Variants in EIF4ENIF1 observed in about 807,000 individuals in gnomAD.
EIF4ENIF1 encodes the protein eukaryotic translation initiation factor 4E nuclear import factor 1, also known as eukaryotic translation initiation factor 4E transporter.
A neutral mutation model predicts 110.5 loss-of-function variants in EIF4ENIF1; 23 were observed. That is an observed-to-expected ratio of 0.21 (90% CI 0.15 to 0.29). EIF4ENIF1 has a LOEUF of 0.29. EIF4ENIF1 is among the 10% of genes least tolerant of loss of function. The probability of loss-of-function intolerance (pLI) is 1.00; values close to 1 mark genes in which losing one functional copy is unlikely to be tolerated. For synonymous variants in EIF4ENIF1, 440 were observed against 437.0 expected (o/e 1.01, Z -0.09); for missense variants, 1,031 against 1,221.1 (o/e 0.84, Z 2.32).
At position 31,455,188 on chromosome 22, in the gene EIF4ENIF1, C is replaced by CA; in HGVS notation, c.1226dup (p.Leu409PhefsTer12). 6.2e-7 allele frequency: 1 copy of CA among 1,613,630 alleles called. No individual in the cohort carries two copies. Among genetic ancestry groups the CA allele is most frequent in the Non-Finnish European group, 8.5e-7 (1 of 1,179,884 alleles). On this transcript the variant is annotated frameshift_variant, in exon 9 of 19. Coordinates refer to ENST00000330125, the MANE Select transcript of EIF4ENIF1 (RefSeq NM_019843.4). LOFTEE classifies it high-confidence loss of function. ...CAGAAAGGCTGGAAAGAAGAGGTTTCAAATCCACTTTGGCTTTCTGTAGCA... is the reference window on the plus strand; with the variant it reads ...CAGAAAGGCTGGAAAGAAGAGGTTTCAAAATCCACTTTGGCTTTCTGTAGCA...
chr22:31,479,477 C>A (rs535483888), intron 2 of EIF4ENIF1: 2 of 152,142 alleles, frequency 1.3e-5, no homozygotes, highest in African/African-American at 4.8e-5. Context: ...ATATGTGCTG[C>A]CGAAGCAAGC....
At chr22:31,445,181 G>A (rs1030245045) in intron 14 of EIF4ENIF1, among the ~76,000 whole-genome samples, 3 of 152,186 alleles carry the variant, frequency 2.0e-5, no homozygotes, top group Non-Finnish European at 4.4e-5. Flanking sequence ...AGTGAGGTGC[G>A]CTAGGGAGGG....
Position 31,468,174 on chromosome 22 carries a change from CCTA to C in EIF4ENIF1, c.296_298del (p.Val99del). 6.2e-7 allele frequency: 1 copy of C among 1,613,808 alleles called. No homozygotes were observed. The highest frequency in any genetic ancestry group is 2.2e-5 in the East Asian group (1 of 44,866). ...CCACTTCTGAGTGACTGTGTGCTCACCTACTATCCTGCGCACCAGGGAAGGCCG... is the reference window on the plus strand; with the variant it reads ...CCACTTCTGAGTGACTGTGTGCTCACCTATCCTGCGCACCAGGGAAGGCCG... On this transcript the variant is annotated inframe_deletion and splice_region_variant, in exon 4 of 19. Coordinates refer to ENST00000330125, the MANE Select transcript of EIF4ENIF1 (RefSeq NM_019843.4).
chr22:31,445,371 A>C (rs2050429910), intron 14 of EIF4ENIF1, among the ~76,000 whole-genome samples: 1 of 152,214 alleles, frequency 6.6e-6, no homozygotes, highest in Non-Finnish European at 1.5e-5. Context: ...CTCAAAGGTC[A>C]AGGCCCAAGT....
chr22:31,470,056 C>T (rs1016234064), intron 3 of EIF4ENIF1, among the ~76,000 whole-genome samples: 3 of 147,810 alleles, frequency 2.0e-5, no homozygotes, highest in Middle Eastern at 3.5e-3. Flanking sequence ...CCCAACTACT[C>T]GGGAGGCTGA....
At chr22:31,440,251 T>C (rs1330710441) in intron 18 of EIF4ENIF1, 130 bp from the exon 19 acceptor site, 13 of 1,327,366 alleles carry the variant, frequency 9.8e-6, no homozygotes, top group Non-Finnish European at 1.2e-5. Context: ...TAGAAACTCC[T>C]TTGCAAAATA....
chr22:31,442,585 A>G (rs1039746585), intron 16 of EIF4ENIF1, among the ~76,000 whole-genome samples: 2 of 152,208 alleles, frequency 1.3e-5, no homozygotes, highest in Admixed American at 6.5e-5. Context: ...CATATTTTCT[A>G]TGTTGGACAC....
At chr22:31,470,164 CAA>C (rs61046632) in intron 3 of EIF4ENIF1, among the ~76,000 whole-genome samples, 89 of 98,380 alleles carry the variant, frequency 9.0e-4, no homozygotes, top group African/African-American at 1.0e-3. Flanking sequence ...AACTCCACCT[CAA>C]AAAAAAAAAA....
At chr22:31,458,725 G>T (rs928078184) in intron 6 of EIF4ENIF1, 75 bp from the exon 7 acceptor site, 10 of 1,362,644 alleles carry the variant, frequency 7.3e-6, no homozygotes, top group Non-Finnish European at 8.8e-6. Context: ...TCAGCCATCA[G>T]TATACATGTA....
chr22:31,472,269 GA>G (rs1400922709), intron 2 of EIF4ENIF1, among the ~76,000 whole-genome samples: 2,188 of 122,150 alleles, frequency 0.018, 10 homozygotes, highest in Middle Eastern at 0.035. Flanking sequence ...CTTACAAGGG[GA>G]TTTTTTTTTT....
At chr22:31,469,936 G>A (rs2051309351) in intron 3 of EIF4ENIF1, among the ~76,000 whole-genome samples, 1 of 151,974 alleles carries the variant, frequency 6.6e-6, no homozygotes, top group Admixed American at 6.6e-5. Flanking sequence ...GGCTGAGGTG[G>A]GTGGATCACC....
intron 2 of EIF4ENIF1, among the ~76,000 whole-genome samples, chr22:31,485,941 C>G (rs865973359): frequency 1.3e-5 from 2 of 151,804 alleles, no homozygotes; most frequent in African/African-American, 4.8e-5. Context: ...GAAACCGTCT[C>G]TACTAAAAAT....
chr22:31,479,781 C>A (rs1018372636), intron 2 of EIF4ENIF1, among the ~76,000 whole-genome samples: 1 of 148,394 alleles, frequency 6.7e-6, no homozygotes, highest in African/African-American at 2.5e-5. Context: ...ATGATCATAG[C>A]TCACTGCAGC....
At chr22:31,464,141 G>T in intron 4 of EIF4ENIF1, 174 bp from the exon 5 acceptor site, 1 of 725,536 alleles carries the variant, frequency 1.4e-6, no homozygotes, top group Non-Finnish European at 2.1e-6. Flanking sequence ...TTTAAATAAG[G>T]CTGAGACATT....
At chr22:31,471,546 C>G (rs2051380395) in intron 3 of EIF4ENIF1, among the ~76,000 whole-genome samples, 1 of 152,152 alleles carries the variant, frequency 6.6e-6, no homozygotes, top group African/African-American at 2.4e-5. Flanking sequence ...GATCTCCTGA[C>G]CTCGTGATCC....
chr22:31,485,240 A>C (rs922633008), intron 2 of EIF4ENIF1, among the ~76,000 whole-genome samples: 4 of 152,218 alleles, frequency 2.6e-5, no homozygotes, highest in African/African-American at 9.6e-5. Flanking sequence ...CACTGTCATT[A>C]AGCTAAAAAA....
In EIF4ENIF1 at chr22:31,458,552, C is replaced by T. The variant is rs753406852; in HGVS notation, c.886G>A (p.Val296Ile). 1 of 1,613,966 alleles carries T rather than the reference C, an allele frequency of 6.2e-7. No homozygotes were observed. The highest frequency in any genetic ancestry group is 1.1e-5 in the South Asian group (1 of 91,036). ...TCTCCTGGGGACTGCTCAGGCAAGA[C>T]AGCATCCCTTGGCACTTCCTGATCA... is the stretch of plus-strand genomic sequence containing the variant. ...AADQEVPRDA[V>I]LPEQSPGDFD... The change falls in exon 7 of 19, where the codon GTC becomes ATC. Residue 296 changes from valine (V) to isoleucine (I), a missense_variant. Coordinates refer to ENST00000330125, the MANE Select transcript of EIF4ENIF1 (RefSeq NM_019843.4).
intron 18 of EIF4ENIF1, among the ~76,000 whole-genome samples, chr22:31,440,452 A>G (rs2050256567): frequency 6.6e-6 from 1 of 152,216 alleles, no homozygotes; most frequent in Non-Finnish European, 1.5e-5. Flanking sequence ...TTGGATTCTC[A>G]GCCCTCTCTC....
chr22:31,474,514 G>A (rs2051502848), intron 2 of EIF4ENIF1, among the ~76,000 whole-genome samples: 3 of 140,450 alleles, frequency 2.1e-5, no homozygotes, highest in Non-Finnish European at 4.6e-5. Context: ...CCTAAAGACT[G>A]TCATACGTTC....
Sources: gnomAD v4.1 joint callset for allele counts (sites outside exome capture counted in the v4.1 genomes callset) on GRCh38, gnomAD v4.1.1 for gene constraint, MANE v1.5 for transcripts, NCBI Gene and HGNC (gene_info 2026-07-23, HGNC 2026-07-21) for gene names.